The following THSD7A variants were observed in gnomAD, a reference collection of about 807,000 sequenced individuals.
The protein encoded by THSD7A is thrombospondin type 1 domain containing 7A, also known as thrombospondin type-1 domain-containing protein 7A.
A neutral mutation model predicts 231.3 loss-of-function variants in THSD7A; 96 were observed. That is an observed-to-expected ratio of 0.41 (90% CI 0.35 to 0.49). The LOEUF (loss-of-function observed/expected upper bound fraction) is 0.49, where lower values mean the gene tolerates loss of function less well. Ranked by LOEUF, THSD7A falls within the 20% of genes least tolerant of loss-of-function variation. The probability of loss-of-function intolerance (pLI) is 0.05; values close to 1 mark genes in which losing one functional copy is unlikely to be tolerated. For synonymous variants in THSD7A, 940 were observed against 743.3 expected (o/e 1.26, Z -4.30); for missense variants, 2,290 against 2,070.2 (o/e 1.11, Z -2.06).
chr7:11,621,547 T>C (rs1160145227), intron 2 of THSD7A, among the ~76,000 whole-genome samples: 2 of 152,082 alleles, frequency 1.3e-5, no homozygotes, highest in African/African-American at 2.4e-5. Flanking sequence ...TTTTTTATTA[T>C]ATAGAAAACC....
At chr7:11,672,410 TTCAC>T (rs1400215040) in intron 1 of THSD7A, among the ~76,000 whole-genome samples, 2 of 152,204 alleles carry the variant, frequency 1.3e-5, no homozygotes, top group African/African-American at 4.8e-5. Flanking sequence ...AATTATACCT[TTCAC>T]TCTATATTTA....
At chr7:11,742,542 T>C (rs533535107) in intron 1 of THSD7A, among the ~76,000 whole-genome samples, 1 of 152,046 alleles carries the variant, frequency 6.6e-6, no homozygotes, top group Admixed American at 6.6e-5. Flanking sequence ...ACCTTTATGT[T>C]GTCTAATTGA....
intron 6 of THSD7A, among the ~76,000 whole-genome samples, chr7:11,509,822 A>AAAAAAAAAAAATAAAAT (rs1491324745): frequency 0.012 from 946 of 75,810 alleles, 84 homozygotes; most frequent in African/African-American, 0.064. Context: ...AGTCCGTCTC[A>AAAAAAAAAAAATAAAAT]AAAAAAAAAA....
chr7:11,500,459 A>G (rs184073164), intron 6 of THSD7A, among the ~76,000 whole-genome samples: 1 of 152,292 alleles, frequency 6.6e-6, no homozygotes, highest in Non-Finnish European at 1.5e-5. Context: ...AAATCCATAC[A>G]TATTAATACT....
At chr7:11,484,874 A>ATTTTCTTTTTTT (rs1786585381) in intron 6 of THSD7A, among the ~76,000 whole-genome samples, 1 of 53,796 alleles carries the variant, frequency 1.9e-5, no homozygotes, top group African/African-American at 7.5e-5. Context: ...CACAACCTTA[A>ATTTTCTTTTTTT]TTTTTTTTTT....
At chr7:11,390,085 T>C (rs1449531662) in intron 23 of THSD7A, among the ~76,000 whole-genome samples, 1 of 152,198 alleles carries the variant, frequency 6.6e-6, no homozygotes, top group East Asian at 1.9e-4. Context: ...CTGATGATTA[T>C]GTGTCTTGGG....
At chr7:11,746,170 A>G (rs1782292843) in intron 1 of THSD7A, among the ~76,000 whole-genome samples, 1 of 151,794 alleles carries the variant, frequency 6.6e-6, no homozygotes, top group Non-Finnish European at 1.5e-5. Flanking sequence ...TAATTGTTGC[A>G]TTTGCCCTGA....
chr7:11,820,959 T>G, intron 1 of THSD7A: 1 of 1,036,826 alleles, frequency 9.6e-7, no homozygotes, highest in Non-Finnish European at 1.4e-6. Flanking sequence ...TTTATGACGT[T>G]CAATATCAAG....
intron 4 of THSD7A, among the ~76,000 whole-genome samples, chr7:11,589,219 G>T (rs1215159777): frequency 2.0e-5 from 3 of 151,946 alleles, no homozygotes; most frequent in Non-Finnish European, 4.4e-5. Flanking sequence ...TTCTACCAAG[G>T]TATTTTCTAG....
intron 1 of THSD7A, among the ~76,000 whole-genome samples, chr7:11,677,176 G>C (rs137861218): frequency 0.031 from 4,654 of 152,090 alleles, 247 homozygotes; most frequent in African/African-American, 0.11. Context: ...TAAGCTTCAT[G>C]AGTGAAGGAG....
At chr7:11,742,822 C>A (rs778753228) in intron 1 of THSD7A, among the ~76,000 whole-genome samples, 32 of 152,006 alleles carry the variant, frequency 2.1e-4, no homozygotes, top group South Asian at 4.1e-4. Flanking sequence ...CTTTCCACTG[C>A]CAGTGCTTTA....
At chr7:11,723,606 G>A (rs1781438465) in intron 1 of THSD7A, among the ~76,000 whole-genome samples, 1 of 151,920 alleles carries the variant, frequency 6.6e-6, no homozygotes, top group Admixed American at 6.6e-5. Context: ...TTGTTGGTTA[G>A]TTGATTGTTT....
rs1481586010 is a variant in THSD7A at position 11,450,832 on chromosome 7, TG to T, written c.2606-3409del. ...TTGAGCTGAAGCATTGTTAGCAAGA[TG>T]GGAAAAAGTCATGTTACCCTACAGA... On this transcript the variant is annotated intron_variant, in intron 11 of 27. Transcript: ENST00000423059. 5.9e-5 allele frequency among the ~76,000 whole-genome samples: 9 copies of T among 152,088 alleles called. No individual in the cohort carries two copies. In the East Asian group the frequency reaches 1.7e-3, roughly 29 times the overall value.
chr7:11,781,348 G>A (rs890128279), intron 1 of THSD7A, among the ~76,000 whole-genome samples: 2 of 151,384 alleles, frequency 1.3e-5, no homozygotes, highest in African/African-American at 4.9e-5. Flanking sequence ...CCAGTTACCT[G>A]AGAGGCTGAG....
At chr7:11,819,471 ATTG>A (rs1333504092) in intron 1 of THSD7A, among the ~76,000 whole-genome samples, 1 of 152,202 alleles carries the variant, frequency 6.6e-6, no homozygotes, top group Non-Finnish European at 1.5e-5. Context: ...AGGATGGAAT[ATTG>A]TTCAGCGCTC....
intron 1 of THSD7A, among the ~76,000 whole-genome samples, chr7:11,723,161 T>G (rs929174383): frequency 6.9e-4 from 105 of 151,952 alleles, no homozygotes; most frequent in African/African-American, 2.4e-3. Flanking sequence ...AAATGATGAG[T>G]TCATGCCCTT....
At chr7:11,422,622 CAT>C (rs1180358473) in intron 16 of THSD7A, among the ~76,000 whole-genome samples, 1 of 119,716 alleles carries the variant, frequency 8.4e-6, no homozygotes, top group African/African-American at 3.3e-5. Flanking sequence ...AAAAAAGTAA[CAT>C]GTACACAGAT....
At chr7:11,492,316 A>G (rs1786930154) in intron 6 of THSD7A, among the ~76,000 whole-genome samples, 1 of 151,898 alleles carries the variant, frequency 6.6e-6, no homozygotes, top group Non-Finnish European at 1.5e-5. Context: ...CTGTACTCCT[A>G]CTGCTTGGGA....
At chr7:11,463,486 G>C (rs1245581271) in intron 9 of THSD7A, among the ~76,000 whole-genome samples, 1 of 152,096 alleles carries the variant, frequency 6.6e-6, no homozygotes, top group East Asian at 1.9e-4. Context: ...TGGGATGAAG[G>C]GCCTGGTTTG....
Sources: gnomAD v4.1 joint callset for allele counts (sites outside exome capture counted in the v4.1 genomes callset) on GRCh38, gnomAD v4.1.1 for gene constraint, MANE v1.5 for transcripts, NCBI Gene and HGNC (gene_info 2026-07-23, HGNC 2026-07-21) for gene names.